Variants in ACAD9 observed in about 807,000 individuals in gnomAD.
ACAD9 encodes the protein acyl-CoA dehydrogenase family member 9.
In ACAD9, 53 loss-of-function variants were observed where a neutral mutation model predicts 70.2. That is an observed-to-expected ratio of 0.75 (90% CI 0.61 to 0.95). ACAD9 has a LOEUF of 0.95. ACAD9 is among the 40% of genes least tolerant of loss of function. ACAD9 has a pLI of 0.00. For synonymous variants in ACAD9, 313 were observed against 312.1 expected, an observed-to-expected ratio of 1.00 and a Z score of -0.03; for missense variants, 777 against 802.8, an observed-to-expected ratio of 0.97 and a Z score of 0.39.
At chr3:128,880,041 A>T (rs1935041357) in intron 1 of ACAD9, 200 bp downstream of exon 1, 1 of 1,533,010 alleles carries the variant, frequency 6.5e-7, no homozygotes, top group Non-Finnish European at 8.8e-7. Context: ...AAGACGGGGG[A>T]CCCTTGGAAA....
At position 128,904,398 on chromosome 3, in the gene ACAD9, C is replaced by T. The variant is rs777000518; in HGVS notation, c.1042C>T (p.Leu348=). Residue 348 remains leucine, a synonymous_variant, in exon 11 of 18, where the codon CTG becomes TTG. Coordinates refer to ENST00000308982, the MANE Select transcript of ACAD9 (RefSeq NM_014049.5). ...CTGAACACTCCAGGAGAAATTTGCA[C>T]TGATGGCTCAGAAGGCTTACGTCAT... ...EFGLIQEKFA[L]MAQKAYVMES... The T allele has an allele frequency of 2.5e-6, 4 of 1,614,244 alleles. No homozygotes were observed. The highest frequency in any genetic ancestry group is 2.5e-6 in the Non-Finnish European group (3 of 1,180,050).
At position 128,902,009 on chromosome 3, in the gene ACAD9, G is replaced by A. The variant is rs1188034560; in HGVS notation, c.883-544G>A. On this transcript the variant is annotated intron_variant, in intron 8 of 17. Coordinates refer to ENST00000308982, the MANE Select transcript of ACAD9 (RefSeq NM_014049.5). This position sits in a 1 kb window ranked among gnomAD's most constrained non-coding sequence, Gnocchi z 4.0. ...TCTCACATTGCGTGATGTTTTCAAG[G>A]TTCATCTCTCTCATAGCATGAATGA... Among the ~76,000 whole-genome samples, 1 of 152,124 alleles carries A rather than the reference G, an allele frequency of 6.6e-6. No homozygotes were observed. Among genetic ancestry groups the A allele is most frequent in the Admixed American group, 6.6e-5 (1 of 15,258 alleles).
At chr3:128,882,587 A>G (rs781167729) in intron 1 of ACAD9, among the ~76,000 whole-genome samples, 22 of 152,300 alleles carry the variant, frequency 1.4e-4, no homozygotes, top group Non-Finnish European at 1.8e-4. Context: ...ACCCTGCCCT[A>G]AGCTGGACCC....
At chr3:128,896,625 G>T in intron 5 of ACAD9, 89 bp downstream of exon 5, 1 of 1,328,632 alleles carries the variant, frequency 7.5e-7, no homozygotes, top group South Asian at 1.2e-5. Context: ...TTGTTGAGTA[G>T]CTGACTTTTC....
rs369361055 is a variant in ACAD9, at chr3:128,909,013, G to A, written c.1399G>A (p.Val467Ile). The A allele has an allele frequency of 2.9e-5, 47 of 1,614,068 alleles. No individual in the cohort carries two copies. The highest frequency in any genetic ancestry group is 2.4e-4 in the East Asian group (11 of 44,898). ...QAKVSTVMDT[V>I]GRRLRDSLGR... ...CAAAGTGAGCACAGTCATGGATACC[G>A]TTGGCCGGAGGCTTCGGGACTCCCT... is the stretch of plus-strand genomic sequence containing the variant. Residue 467 changes from valine to isoleucine, a missense_variant, in exon 14 of 18, where the codon GTT (valine) becomes ATT (isoleucine). Physicochemically the swap from Val to Ile is conservative, Grantham distance 29. Transcript: ENST00000308982.
At chr3:128,882,018 C>T (rs1935109602) in intron 1 of ACAD9, among the ~76,000 whole-genome samples, 1 of 152,036 alleles carries the variant, frequency 6.6e-6, no homozygotes, top group African/African-American at 2.4e-5. Flanking sequence ...CTCCAGATTC[C>T]TTTTGCTTTT....
intron 12 of ACAD9, among the ~76,000 whole-genome samples, chr3:128,907,631 G>C (rs1228540018): frequency 1.3e-5 from 2 of 152,202 alleles, no homozygotes; most frequent in African/African-American, 4.8e-5. Context: ...CCTGGGTCAG[G>C]CCCCTGCACC....
chr3:128,912,355 A>T, intron 17 of ACAD9, 152 bp from the exon 18 acceptor site: 1 of 700,924 alleles, frequency 1.4e-6, no homozygotes, highest in Non-Finnish European at 2.6e-6. Context: ...TGCAGCCCTG[A>T]ATCACTTGCT....
intron 11 of ACAD9, 122 bp from the exon 12 acceptor site, chr3:128,905,999 C>T (rs2107659293): frequency 7.2e-7 from 1 of 1,379,952 alleles, no homozygotes; most frequent in Non-Finnish European, 1.0e-6. Flanking sequence ...CACATCACCC[C>T]TCAAGTTCCT....
rs559293589 is a variant in ACAD9 at position 128,897,528 on chromosome 3, T to C, written c.555-104T>C. The C allele has an allele frequency of 3.0e-5, 31 of 1,034,322 alleles. 2 individuals are homozygous for C. The South Asian group carries it at 4.1e-4, about 14-fold the overall frequency. 64.1% of individuals were successfully genotyped at this position (1,034,322 alleles called of 1,614,324 possible). A position where few individuals can be genotyped will look rare whatever the true frequency, so the allele number is the denominator to read the frequency against. On this transcript the variant is annotated intron_variant, in intron 5 of 17. Transcript: ENST00000308982. ...TTATCTGACCCTTCATTTTAAAAGT[T>C]TGCTGACCTCTTACAAGTACTAAAA...
intron 16 of ACAD9, 53 bp from the exon 17 acceptor site, chr3:128,910,686 CAG>C: frequency 6.2e-7 from 1 of 1,601,086 alleles, no homozygotes; most frequent in Non-Finnish European, 8.6e-7. Context: ...TTTTGAAGCT[CAG>C]AGGTCTGATT....
At position 128,893,707 on chromosome 3, in the gene ACAD9, C is replaced by G. The variant is rs898348598; in HGVS notation, c.346+51C>G. 17 of 1,475,148 alleles carry G rather than the reference C, an allele frequency of 1.2e-5. No individual in the cohort carries two copies. In the Admixed American group the frequency reaches 1.4e-4, roughly 12 times the overall value. The allele number at this position is 1,475,148 out of a possible 1,614,324, so 91.4% of individuals were successfully genotyped here. On this transcript the variant is annotated intron_variant, in intron 3 of 17. Transcript: ENST00000308982. The stretch of plus-strand genomic sequence containing the variant: ...CCAGTTTAGCTCTTAAGAAAGCACT[C>G]TGTATTTGTCCATAACAGGTCTAGT...
chr3:128,911,045 G>GTGTATGTA (rs531719665), intron 17 of ACAD9, among the ~76,000 whole-genome samples: 1 of 152,164 alleles, frequency 6.6e-6, no homozygotes, highest in Non-Finnish European at 1.5e-5. Flanking sequence ...ATGTGTGTGT[G>GTGTATGTA]TGTATGTATG....
At chr3:128,893,458 G>A in intron 2 of ACAD9, 97 bp from the exon 3 acceptor site, 1 of 983,070 alleles carries the variant, frequency 1.0e-6, no homozygotes, top group Non-Finnish European at 1.5e-6. Context: ...TTTCTACTCT[G>A]GGATTATATA....
intron 17 of ACAD9, among the ~76,000 whole-genome samples, chr3:128,912,254 G>A (rs535407189): frequency 2.4e-4 from 36 of 152,304 alleles, no homozygotes; most frequent in African/African-American, 7.9e-4. Flanking sequence ...TACGGAGCAA[G>A]TGCCGGCTCC....
At chr3:128,899,523 G>GTT (rs1553731035) in intron 7 of ACAD9, 62 bp downstream of exon 7, 3 of 1,068,766 alleles carry the variant, frequency 2.8e-6, no homozygotes, top group Non-Finnish European at 4.0e-6. Context: ...GGCCTTTGAC[G>GTT]GTGTGTGTGT....
chr3:128,895,425 T>G lies in ACAD9; in HGVS notation c.453+9T>G, dbSNP rs1473152858. On this transcript the variant is annotated intron_variant, in intron 4 of 17. Transcript: ENST00000308982. ...AGGCTATTGGCCTCAAGGTCAGGTA[T>G]CTGGGGATTCTGTGTGGTGCTCTCT... 30 of 1,592,380 alleles carry G rather than the reference T, an allele frequency of 1.9e-5. No individual in the cohort carries two copies. Among genetic ancestry groups the G allele is most frequent in the Non-Finnish European group, 2.4e-5 (28 of 1,168,624 alleles).
chr3:128,907,977 T>A (rs1164851464), intron 12 of ACAD9, among the ~76,000 whole-genome samples: 1 of 152,156 alleles, frequency 6.6e-6, no homozygotes, highest in Non-Finnish European at 1.5e-5. Context: ...GGGGTCCCAG[T>A]GGGAGCTCAT....
At position 128,880,534 on chromosome 3, in the gene ACAD9, A is replaced by G. The variant is rs894923801; in HGVS notation, c.150+693A>G. Among the ~76,000 whole-genome samples, 116 of 143,114 alleles carry G rather than the reference A, an allele frequency of 8.1e-4. 1 individual carries two copies. Among genetic ancestry groups the G allele is most frequent in the African/African-American group, 3.2e-3 (116 of 36,736 alleles). 93.9% of individuals were successfully genotyped at this position (143,114 alleles called of 152,430 possible). A position where few individuals can be genotyped will look rare whatever the true frequency, so the allele number is the denominator to read the frequency against. ...CAGCCTCCGGAGTAGCTGGGATTAC[A>G]GGCGCCTGCCCGGCTTTTTTTTTTT... On this transcript the variant is annotated intron_variant, in intron 1 of 17. Coordinates refer to ENST00000308982, the MANE Select transcript of ACAD9 (RefSeq NM_014049.5).
Sources: allele counts gnomAD v4.1 joint callset (sites outside exome capture counted in the v4.1 genomes callset), GRCh38; gene constraint gnomAD v4.1.1; non-coding constraint Gnocchi (gnomAD v3.1); transcripts MANE v1.5; gene names NCBI Gene and HGNC (gene_info 2026-07-23, HGNC 2026-07-21).